BPIFB3: variants seen among roughly 807,000 people sequenced by gnomAD.
BPIFB3 encodes BPI fold-containing family B member 3.
In BPIFB3, 49 loss-of-function variants were observed where a neutral mutation model predicts 53.1. The ratio of observed to expected loss-of-function variants is 0.92; its 90% CI spans 0.73 to 1.17. BPIFB3 has a LOEUF of 1.17. Ranked by LOEUF, BPIFB3 falls within the 50% of genes most tolerant of loss-of-function variation. The probability of loss-of-function intolerance (pLI) is 0.00; values close to 1 mark genes in which losing one functional copy is unlikely to be tolerated. For missense variants in BPIFB3, 628 were observed against 592.5 expected, an observed-to-expected ratio of 1.06 and a Z score of -0.62; for synonymous variants, 271 against 269.6, an observed-to-expected ratio of 1.01 and a Z score of -0.05.
chr20:33,061,699 C>T lies in BPIFB3; in HGVS notation c.528-69C>T, dbSNP rs898451391. 8.7e-6 allele frequency: 13 copies of T among 1,500,382 alleles called. No homozygotes were observed. The African/African-American group carries it at 1.8e-4, about 21-fold the overall frequency. The allele number at this position is 1,500,382 out of a possible 1,614,324, so 92.9% of individuals were successfully genotyped here. On this transcript the variant is annotated intron_variant, in intron 4 of 14. Transcript: ENST00000375494. The stretch of plus-strand genomic sequence containing the variant: ...AGAAATCCAGAGCCCCTAGTGTCCG[C>T]CCGACCCTGTCATCTGGGTTGAACC...
In BPIFB3 at chr20:33,068,973, C is replaced by T. The variant is rs1258902609; in HGVS notation, c.1149C>T (p.Ser383=). The T allele has an allele frequency of 8.7e-6, 14 of 1,611,876 alleles. 1 individual carries two copies. The highest frequency in any genetic ancestry group is 5.5e-5 in the South Asian group (5 of 90,966). Residue 383 remains serine (S), a splice_region_variant and synonymous_variant, in exon 10 of 15, where the codon TCC becomes TCT. Coordinates refer to ENST00000375494, the Ensembl canonical transcript of BPIFB3. ...CTGAATCCCTCTTTGAGCTGAACTC[C>T]GTGAGTGGTCAAGGGGTGGCTGGGG...
At chr20:33,062,892 T>C (rs1980514136) in intron 5 of BPIFB3, among the ~76,000 whole-genome samples, 1 of 152,192 alleles carries the variant, frequency 6.6e-6, no homozygotes, top group Non-Finnish European at 1.5e-5. Flanking sequence ...ATCCTGGAGT[T>C]TGGGGCCCCC....
At chr20:33,073,713 G>A (rs1490181673), downstream of BPIFB3, 6 of 1,321,306 alleles carry the variant, frequency 4.5e-6, no homozygotes, top group Non-Finnish European at 5.4e-6. Flanking sequence ...CAGTAAAAAT[G>A]CCCTCTGGCC....
At chr20:33,059,687 G>A (rs570441981) in intron 3 of BPIFB3, among the ~76,000 whole-genome samples, 5 of 151,856 alleles carry the variant, frequency 3.3e-5, no homozygotes, top group South Asian at 2.1e-4. Context: ...CTTCCATTTC[G>A]CTCTTCCTCC....
intron 2 of BPIFB3, among the ~76,000 whole-genome samples, chr20:33,058,615 A>C (rs1031094474): frequency 2.3e-4 from 35 of 152,154 alleles, no homozygotes; most frequent in African/African-American, 8.4e-4. Context: ...TCCCCTGTGA[A>C]ATCCGCTTTC....
At chr20:33,059,743 G>A in intron 3 of BPIFB3, 148 bp from the exon 5 acceptor site, 1 of 1,183,874 alleles carries the variant, frequency 8.4e-7, no homozygotes. Context: ...GGTCAGGGAA[G>A]AGGGTGCAGG....
intron 13 of BPIFB3, 22 bp downstream of exon 14, chr20:33,072,189 T>G: frequency 3.1e-6 from 5 of 1,612,774 alleles, no homozygotes; most frequent in Non-Finnish European, 4.2e-6. Flanking sequence ...TTTGCTCTCT[T>G]GGACACATGG....
At chr20:33,056,451 C>T in intron 1 of BPIFB3, 91 bp from the exon 3 acceptor site, 1 of 1,473,644 alleles carries the variant, frequency 6.8e-7, no homozygotes, top group Non-Finnish European at 9.3e-7. Context: ...AAAAAGAAGC[C>T]TACTCAATCT....
intron 2 of BPIFB3, 113 bp downstream of exon 3, chr20:33,056,811 G>A (rs1181131736): frequency 2.3e-6 from 3 of 1,321,390 alleles, no homozygotes; most frequent in Non-Finnish European, 3.0e-6. Context: ...TGTGTGGGAG[G>A]GTTGTGATCC....
At chr20:33,056,807 G>T in intron 2 of BPIFB3, 109 bp downstream of exon 3, 1 of 1,343,346 alleles carries the variant, frequency 7.4e-7, no homozygotes. Flanking sequence ...AGGTTGTGTG[G>T]GAGGGTTGTG....
chr20:33,069,867 C>T, intron 10 of BPIFB3, 21 bp from the exon 12 acceptor site: 1 of 1,614,142 alleles, frequency 6.2e-7, no homozygotes, highest in Non-Finnish European at 8.5e-7. Context: ...GGGGTGACTT[C>T]TGCCTGCTTT....
chr20:33,069,768 C>T (rs1252239249), intron 10 of BPIFB3, 120 bp from the exon 12 acceptor site: 23 of 991,574 alleles, frequency 2.3e-5, no homozygotes, highest in African/African-American at 2.2e-4. Flanking sequence ...TCAGCACAGA[C>T]CCTGACACAC....
intron 3 of BPIFB3, 78 bp downstream of exon 4, chr20:33,059,560 T>G: frequency 9.8e-7 from 1 of 1,016,498 alleles, no homozygotes; most frequent in Non-Finnish European, 1.5e-6. Flanking sequence ...TACTCTGCTG[T>G]CCCCCCACTC....
At chr20:33,059,565 C>T in intron 3 of BPIFB3, 83 bp downstream of exon 4, 1 of 981,472 alleles carries the variant, frequency 1.0e-6, no homozygotes, top group Non-Finnish European at 1.6e-6. Flanking sequence ...TGCTGTCCCC[C>T]CACTCCCACC....
chr20:33,060,340 C>T (rs980084764), intron 4 of BPIFB3, among the ~76,000 whole-genome samples: 5 of 152,288 alleles, frequency 3.3e-5, no homozygotes, highest in Non-Finnish European at 7.4e-5. Flanking sequence ...CCTCCATTTG[C>T]GGGATTTCAG....
intron 4 of BPIFB3, among the ~76,000 whole-genome samples, chr20:33,060,943 A>T (rs184070269): frequency 6.6e-6 from 1 of 152,254 alleles, no homozygotes; most frequent in East Asian, 1.9e-4. Flanking sequence ...TCCGGCAGGG[A>T]TGGAGAGGGG....
chr20:33,066,813 T>TG lies in BPIFB3; in HGVS notation c.925-6dup, dbSNP rs1440193876. 6.2e-7 allele frequency: 1 copy of TG among 1,613,974 alleles called. No homozygotes were observed. Among genetic ancestry groups the TG allele is most frequent in the South Asian group, 1.1e-5 (1 of 91,072 alleles). On this transcript the variant is annotated splice_polypyrimidine_tract_variant and intron_variant, in intron 8 of 14. Coordinates refer to ENST00000375494, the Ensembl canonical transcript of BPIFB3. The stretch of plus-strand genomic sequence containing the variant: ...TGTGCTCACCAACCCTCTCTCCCAT[T>TG]GGGGGTCCAGGTTCCCAGCGATGTC...
chr20:33,055,647 T>G, intron 1 of BPIFB3, 100 bp downstream of exon 2: 3 of 1,543,354 alleles, frequency 1.9e-6, no homozygotes, highest in Non-Finnish European at 2.6e-6. Flanking sequence ...AAGAGCAGGT[T>G]GTGATTCTCA....
intron 2 of BPIFB3, 148 bp from the exon 4 acceptor site, chr20:33,059,230 C>A: frequency 4.9e-6 from 3 of 610,960 alleles, no homozygotes. Context: ...GGAAACTAGG[C>A]CCAGAGAGAT....
Sources: allele counts gnomAD v4.1 joint callset (sites outside exome capture counted in the v4.1 genomes callset), GRCh38; gene constraint gnomAD v4.1.1; transcripts MANE v1.5; gene names NCBI Gene and HGNC (gene_info 2026-07-23, HGNC 2026-07-21).